RAB38: variants seen among roughly 807,000 people sequenced by gnomAD.
The protein encoded by RAB38 is RAB38, member RAS oncogene family, also known as ras-related protein Rab-38.
RAB38 carries 15 observed loss-of-function variants against 18.4 expected under a neutral mutation model. The ratio of observed to expected loss-of-function variants is 0.82; its 90% confidence interval spans 0.55 to 1.26. RAB38 has a LOEUF of 1.26. Ranked by LOEUF, RAB38 falls within the 50% of genes most tolerant of loss-of-function variation. RAB38 has a pLI of 0.00. For missense variants in RAB38, 294 were observed against 267.4 expected, an observed-to-expected ratio of 1.10 and a Z score of -0.69; for synonymous variants, 101 against 104.4, an observed-to-expected ratio of 0.97 and a Z score of 0.20.
At chr11:88,077,672 T>C in the RAB38 span, among the ~76,000 whole-genome samples, 1 of 152,088 alleles carries the variant, frequency 6.6e-6, no homozygotes, top group African/African-American at 2.4e-5. Flanking sequence ...CCAAAAATTA[T>C]GAAACTACCA....
intron 1 of RAB38, among the ~76,000 whole-genome samples, chr11:88,170,938 C>T (rs551635800): frequency 1.7e-4 from 26 of 152,176 alleles, no homozygotes; most frequent in African/African-American, 5.8e-4. Flanking sequence ...CTAAACAGAC[C>T]GACTGTTCCT....
chr11:88,100,603 T>C, the RAB38 span, among the ~76,000 whole-genome samples: 1 of 151,932 alleles, frequency 6.6e-6, no homozygotes, highest in African/African-American at 2.4e-5. Flanking sequence ...ATTCTGTTAT[T>C]AGAATTATAG....
chr11:88,008,029 A>G, the RAB38 span, among the ~76,000 whole-genome samples: 1 of 152,132 alleles, frequency 6.6e-6, no homozygotes, highest in Non-Finnish European at 1.5e-5. Context: ...CATACAAACA[A>G]ATCTATGGTT....
chr11:88,097,031 A>C, the RAB38 span, among the ~76,000 whole-genome samples: 1 of 151,876 alleles, frequency 6.6e-6, no homozygotes, highest in Admixed American at 6.6e-5. Context: ...AATTCTTAAG[A>C]GAAATTATAC....
chr11:88,028,248 C>T, the RAB38 span, among the ~76,000 whole-genome samples: 1 of 152,000 alleles, frequency 6.6e-6, no homozygotes, highest in Non-Finnish European at 1.5e-5. Flanking sequence ...TAATCAAAGA[C>T]CAAAAGTAGA....
the RAB38 span, among the ~76,000 whole-genome samples, chr11:87,939,083 G>A: frequency 6.6e-6 from 1 of 151,930 alleles, no homozygotes. Context: ...GATCAAATGT[G>A]TATTTGTCAC....
chr11:88,139,310 C>CCTT (rs1942876947), intron 2 of RAB38, among the ~76,000 whole-genome samples: 1 of 151,982 alleles, frequency 6.6e-6, no homozygotes, highest in African/African-American at 2.4e-5. Flanking sequence ...TCAGTGCTTC[C>CCTT]CTTCAGTCTT....
the RAB38 span, among the ~76,000 whole-genome samples, chr11:88,025,028 T>G: frequency 1.3e-5 from 2 of 152,104 alleles, no homozygotes; most frequent in Non-Finnish European, 2.9e-5. Flanking sequence ...AAATGGATTG[T>G]TTATAACACA....
At chr11:88,120,738 G>A (rs969275798) in intron 2 of RAB38, among the ~76,000 whole-genome samples, 6 of 152,090 alleles carry the variant, frequency 3.9e-5, no homozygotes, top group African/African-American at 1.4e-4. Context: ...ATGTCAAAGT[G>A]TATTTCAAAT....
the RAB38 span, among the ~76,000 whole-genome samples, chr11:88,005,605 A>G: frequency 6.7e-6 from 1 of 149,594 alleles, no homozygotes; most frequent in Non-Finnish European, 1.5e-5. Context: ...TTAATTTCAT[A>G]TGATACCATT....
chr11:88,015,952 A>G, the RAB38 span, among the ~76,000 whole-genome samples: 2 of 152,126 alleles, frequency 1.3e-5, no homozygotes, highest in African/African-American at 4.8e-5. Context: ...ACTTTCAGCC[A>G]TCCTTCCACC....
intron 2 of RAB38, among the ~76,000 whole-genome samples, chr11:88,120,441 A>G (rs571994200): frequency 1.3e-5 from 2 of 152,268 alleles, no homozygotes; most frequent in Non-Finnish European, 2.9e-5. Flanking sequence ...TGGTATCTCC[A>G]TGAAGAGAAG....
At chr11:87,875,107 T>C in the RAB38 span, among the ~76,000 whole-genome samples, 1 of 151,588 alleles carries the variant, frequency 6.6e-6, no homozygotes, top group Non-Finnish European at 1.5e-5. Context: ...TCTTGTGCAC[T>C]GTAGGGTGAC....
At chr11:88,090,892 T>A in the RAB38 span, among the ~76,000 whole-genome samples, 1 of 151,970 alleles carries the variant, frequency 6.6e-6, no homozygotes, top group Non-Finnish European at 1.5e-5. Flanking sequence ...ACAACATGAC[T>A]CTGGCATCTC....
At chr11:87,910,857 G>A in the RAB38 span, among the ~76,000 whole-genome samples, 7 of 151,956 alleles carry the variant, frequency 4.6e-5, no homozygotes, top group Middle Eastern at 6.8e-3. Flanking sequence ...GGATGGTCTC[G>A]ATCTCCTGAC....
the RAB38 span, among the ~76,000 whole-genome samples, chr11:87,974,529 G>C: frequency 6.6e-6 from 1 of 151,666 alleles, no homozygotes; most frequent in Non-Finnish European, 1.5e-5. Flanking sequence ...AAAACCTCAG[G>C]AAAAATAAGA....
At chr11:88,070,426 T>G in the RAB38 span, among the ~76,000 whole-genome samples, 1 of 152,218 alleles carries the variant, frequency 6.6e-6, no homozygotes, top group Non-Finnish European at 1.5e-5. Flanking sequence ...ACCGCGAGGG[T>G]CCGCGGCTTC....
chr11:87,869,467 G>T, the RAB38 span, among the ~76,000 whole-genome samples: 3 of 151,612 alleles, frequency 2.0e-5, no homozygotes, highest in Non-Finnish European at 4.4e-5. Context: ...CTACTATAGT[G>T]CATCTGTATC....
the RAB38 span, among the ~76,000 whole-genome samples, chr11:87,905,221 A>G: frequency 6.6e-6 from 1 of 151,588 alleles, no homozygotes; most frequent in Non-Finnish European, 1.5e-5. Flanking sequence ...TCTTTCTCAT[A>G]ATTTGTATTT....
Sources: gnomAD v4.1 joint callset for allele counts (sites outside exome capture counted in the v4.1 genomes callset) on GRCh38, gnomAD v4.1.1 for gene constraint, MANE v1.5 for transcripts, NCBI Gene and HGNC (gene_info 2026-07-23, HGNC 2026-07-21) for gene names.